INPP4A: variants seen among roughly 807,000 people sequenced by gnomAD.
The protein encoded by INPP4A is inositol polyphosphate-4-phosphatase, type I, 107kD.
In INPP4A, 33 loss-of-function variants were observed where a neutral mutation model predicts 119.8. That is an observed-to-expected ratio of 0.28 (90% CI 0.21 to 0.37). INPP4A has a LOEUF of 0.37. Ranked by LOEUF, INPP4A falls within the 10% of genes least tolerant of loss-of-function variation. The probability of loss-of-function intolerance (pLI) is 1.00; values close to 1 mark genes in which losing one functional copy is unlikely to be tolerated. For missense variants in INPP4A, 956 were observed against 1,289.9 expected, an observed-to-expected ratio of 0.74 and a Z score of 3.97; for synonymous variants, 496 against 500.7, an observed-to-expected ratio of 0.99 and a Z score of 0.12.
intron 1 of INPP4A, among the ~76,000 whole-genome samples, chr2:98,450,189 G>A (rs945948044): frequency 1.3e-5 from 2 of 152,138 alleles, no homozygotes; most frequent in African/African-American, 4.8e-5. Context: ...CCTGTGGGAG[G>A]TTCTGTCCAA....
At chr2:98,532,360 A>C (rs1173205830) in intron 4 of INPP4A, among the ~76,000 whole-genome samples, 1 of 151,462 alleles carries the variant, frequency 6.6e-6, no homozygotes, top group African/African-American at 2.4e-5. Flanking sequence ...GGACACAATA[A>C]CATATTTTTA....
At chr2:98,448,133 A>G (rs565423905) in intron 1 of INPP4A, among the ~76,000 whole-genome samples, 1 of 151,224 alleles carries the variant, frequency 6.6e-6, no homozygotes, top group Non-Finnish European at 1.5e-5. Context: ...AGGTGGGAGG[A>G]TCACTTGAGT....
intron 15 of INPP4A, among the ~76,000 whole-genome samples, chr2:98,555,222 T>C (rs905718922): frequency 6.6e-6 from 1 of 152,120 alleles, no homozygotes. Flanking sequence ...GTGTGATGAT[T>C]GTAGGAAGTC....
intron 19 of INPP4A, among the ~76,000 whole-genome samples, chr2:98,565,295 C>G (rs774508355): frequency 2.0e-5 from 3 of 152,220 alleles, no homozygotes; most frequent in Non-Finnish European, 2.9e-5. Flanking sequence ...CACAGCAAAG[C>G]TGCTTTAGCA....
chr2:98,486,784 G>A (rs1679627638), intron 1 of INPP4A, among the ~76,000 whole-genome samples: 1 of 152,264 alleles, frequency 6.6e-6, no homozygotes, highest in Admixed American at 6.5e-5. Flanking sequence ...AGCCTGGAGG[G>A]AGCTGATGTG....
At chr2:98,488,309 A>G (rs1679961391) in intron 1 of INPP4A, among the ~76,000 whole-genome samples, 1 of 152,202 alleles carries the variant, frequency 6.6e-6, no homozygotes, top group Non-Finnish European at 1.5e-5. Context: ...ATGGGTGCCA[A>G]GTGGCTAAAG....
chr2:98,485,969 C>T (rs1237244134), intron 1 of INPP4A, among the ~76,000 whole-genome samples: 1 of 152,118 alleles, frequency 6.6e-6, no homozygotes, highest in Non-Finnish European at 1.5e-5. Context: ...GGGAGGGGGC[C>T]TCCAGATGAA....
intron 1 of INPP4A, among the ~76,000 whole-genome samples, chr2:98,493,369 T>G: frequency 6.6e-6 from 1 of 152,050 alleles, no homozygotes; most frequent in Admixed American, 6.6e-5. Flanking sequence ...TCCTCTTATT[T>G]TCAGCTTATT....
At chr2:98,559,535 T>C in intron 17 of INPP4A, 40 bp downstream of exon 17, 1 of 1,595,844 alleles carries the variant, frequency 6.3e-7, no homozygotes, top group Non-Finnish European at 8.6e-7. Flanking sequence ...GATGCCCTTT[T>C]AATTGATACT....
At chr2:98,545,558 G>T (rs918111042) in intron 11 of INPP4A, among the ~76,000 whole-genome samples, 2 of 152,102 alleles carry the variant, frequency 1.3e-5, no homozygotes, top group African/African-American at 4.8e-5. Context: ...TGATGATGGC[G>T]GTCTCTGGAG....
chr2:98,478,123 C>G (rs1235534780), intron 1 of INPP4A, among the ~76,000 whole-genome samples: 1 of 152,232 alleles, frequency 6.6e-6, no homozygotes, highest in Non-Finnish European at 1.5e-5. Flanking sequence ...ATTTTGGACA[C>G]TGCCGTAGGT....
At chr2:98,503,868 G>A (rs895209495) in intron 1 of INPP4A, among the ~76,000 whole-genome samples, 5 of 152,200 alleles carry the variant, frequency 3.3e-5, no homozygotes, top group African/African-American at 1.2e-4. Flanking sequence ...GAGAAGAGGT[G>A]CCACATGAGA....
intron 1 of INPP4A, among the ~76,000 whole-genome samples, chr2:98,506,822 A>G (rs1233047440): frequency 2.6e-5 from 4 of 152,178 alleles, no homozygotes; most frequent in Non-Finnish European, 5.9e-5. Flanking sequence ...GTGGCCCACA[A>G]TGCGGGCACT....
intron 16 of INPP4A, among the ~76,000 whole-genome samples, chr2:98,558,198 C>G (rs1465784192): frequency 1.3e-5 from 2 of 152,156 alleles, no homozygotes; most frequent in African/African-American, 2.4e-5. Context: ...ATCCCTGATG[C>G]CTTCACAGGA....
chr2:98,483,624 A>G (rs1678936931), intron 1 of INPP4A, among the ~76,000 whole-genome samples: 1 of 152,132 alleles, frequency 6.6e-6, no homozygotes, highest in Non-Finnish European at 1.5e-5. Context: ...TTCATCCTAC[A>G]CTGAATGTCC....
At chr2:98,514,320 C>T (rs995557685) in intron 1 of INPP4A, among the ~76,000 whole-genome samples, 5 of 152,138 alleles carry the variant, frequency 3.3e-5, no homozygotes, top group South Asian at 4.1e-4. Context: ...GGTCTACCTC[C>T]CTCTTTTCCT....
chr2:98,521,889 T>G (rs1006279339), intron 4 of INPP4A: 2 of 152,024 alleles, frequency 1.3e-5, no homozygotes, highest in African/African-American at 4.8e-5. Flanking sequence ...TGAGTTATGA[T>G]TGGGCCACAG....
chr2:98,567,926 G>A (rs1258660554), intron 21 of INPP4A, among the ~76,000 whole-genome samples: 1 of 152,224 alleles, frequency 6.6e-6, no homozygotes, highest in East Asian at 1.9e-4. Flanking sequence ...CCCCTCAGCA[G>A]GGATGTGTGA....
intron 15 of INPP4A, among the ~76,000 whole-genome samples, chr2:98,555,316 A>C (rs1235152092): frequency 6.6e-6 from 1 of 152,262 alleles, no homozygotes; most frequent in African/African-American, 2.4e-5. Flanking sequence ...CAGAAGAGTT[A>C]CTAGCAAACA....
Sources: gnomAD v4.1 joint callset for allele counts (sites outside exome capture counted in the v4.1 genomes callset) on GRCh38, gnomAD v4.1.1 for gene constraint, MANE v1.5 for transcripts, NCBI Gene and HGNC (gene_info 2026-07-23, HGNC 2026-07-21) for gene names.